Variants in STXBP4 observed in about 807,000 individuals in gnomAD.
STXBP4 encodes syntaxin-binding protein 4.
STXBP4 carries 55 observed loss-of-function variants against 76.1 expected under a neutral mutation model. The observed-to-expected ratio is 0.72, with a 90% CI of 0.58 to 0.91. The LOEUF (loss-of-function observed/expected upper bound fraction) is 0.91. STXBP4 is among the 40% of genes least tolerant of loss of function. The pLI, the probability that STXBP4 is intolerant of heterozygous loss-of-function variation, is 0.00. For synonymous variants in STXBP4, 201 were observed against 220.2 expected (o/e 0.91, Z 0.77); for missense variants, 618 against 636.9 (o/e 0.97, Z 0.32).
the STXBP4 span, among the ~76,000 whole-genome samples, chr17:55,202,558 G>T: frequency 6.6e-6 from 1 of 151,830 alleles, no homozygotes; most frequent in African/African-American, 2.4e-5. Context: ...TCTTGCTCAG[G>T]GCAACACAGG....
rs559419378 is a variant in STXBP4, at chr17:55,077,686, C to CATGT, written c.1189-392_1189-391insATGT. Among the ~76,000 whole-genome samples, 43 of 134,004 alleles carry CATGT rather than the reference C, an allele frequency of 3.2e-4. 1 individual carries two copies. The highest frequency in any genetic ancestry group is 1.0e-3 in the South Asian group (4 of 3,818). The allele number at this position is 134,004 out of a possible 152,430, so 87.9% of individuals were successfully genotyped here. On this transcript the variant is annotated intron_variant, in intron 13 of 17. Transcript: ENST00000376352. ...CTTCCTTGCTAGCTTTGTCTTACAT[C>CATGT]GTGTGTGTGTGTGTGTGTGTGTGTG...
At chr17:55,100,123 G>A (rs2079545797) in intron 16 of STXBP4, among the ~76,000 whole-genome samples, 1 of 152,170 alleles carries the variant, frequency 6.6e-6, no homozygotes. Context: ...ATTAGTGCCT[G>A]CCAACCTGTT....
intron 16 of STXBP4, among the ~76,000 whole-genome samples, chr17:55,090,256 G>A (rs1484937076): frequency 6.6e-6 from 1 of 151,870 alleles, no homozygotes; most frequent in East Asian, 1.9e-4. Flanking sequence ...GGACAACTGG[G>A]GCTTGATCCT....
intron 16 of STXBP4, among the ~76,000 whole-genome samples, chr17:55,091,766 G>C (rs1321206640): frequency 6.6e-6 from 1 of 152,032 alleles, no homozygotes; most frequent in Non-Finnish European, 1.5e-5. Context: ...TTCACGCACA[G>C]AATTGTGACC....
intron 16 of STXBP4, among the ~76,000 whole-genome samples, chr17:55,124,516 C>T (rs1290180714): frequency 1.3e-5 from 2 of 152,200 alleles, no homozygotes; most frequent in African/African-American, 4.8e-5. Context: ...TCAAGTGCTA[C>T]ATTTATCCTT....
At position 54,968,772 on chromosome 17, in the gene STXBP4, A is replaced by C. The variant is rs914159913; in HGVS notation, c.-200A>C. On this transcript the variant is annotated 5_prime_UTR_variant, in exon 1 of 18. Transcript: ENST00000376352. The stretch of plus-strand genomic sequence containing the variant: ...TTGGCTACCAGGCTCCTCAGGTGGC[A>C]GCGCTTGCAGTCGGGCTACGGAGGC... 91 of 1,148,266 alleles carry C rather than the reference A, an allele frequency of 7.9e-5. No individual in the cohort carries two copies. Among genetic ancestry groups the C allele is most frequent in the Non-Finnish European group, 1.0e-4 (85 of 815,420 alleles). The allele number at this position is 1,148,266 out of a possible 1,614,324, so 71.1% of individuals were successfully genotyped here.
chr17:55,026,834 C>A (rs992209936), intron 8 of STXBP4, among the ~76,000 whole-genome samples: 5 of 152,094 alleles, frequency 3.3e-5, no homozygotes, highest in African/African-American at 1.2e-4. Context: ...ACTCTCTTGT[C>A]GAGAACCAGG....
At chr17:55,096,221 T>C (rs2144993341) in intron 16 of STXBP4, among the ~76,000 whole-genome samples, 1 of 152,238 alleles carries the variant, frequency 6.6e-6, no homozygotes, top group South Asian at 2.1e-4. Context: ...AGTGGTGTGA[T>C]CACAGCTCAC....
chr17:55,154,684 A>G (rs1361437578), intron 17 of STXBP4, among the ~76,000 whole-genome samples: 1 of 152,108 alleles, frequency 6.6e-6, no homozygotes, highest in African/African-American at 2.4e-5. Flanking sequence ...ATAGCAATCC[A>G]GCCTGTGGAT....
intron 14 of STXBP4, 41 bp downstream of exon 14, chr17:55,078,235 T>C (rs2079211490): frequency 7.9e-7 from 1 of 1,258,582 alleles, no homozygotes; most frequent in East Asian, 2.3e-5. Flanking sequence ...TTAAAAAATA[T>C]ATAGGCAACT....
rs148003492 is a variant in STXBP4, at chr17:55,120,056, G to A, written c.1490-21254G>A. On this transcript the variant is annotated intron_variant, in intron 16 of 17. Coordinates refer to ENST00000376352, the MANE Select transcript of STXBP4 (RefSeq NM_178509.6). ...TAGCCACAGTTAAGGTTACTAAAGT[G>A]TACTTCTCAAGTAGAAAATATTATA... 3.0e-3 allele frequency among the ~76,000 whole-genome samples: 457 copies of A among 152,266 alleles called. 3 individuals are homozygous for A. The highest frequency in any genetic ancestry group is 6.0e-3 in the South Asian group (29 of 4,824).
chr17:55,139,637 G>A (rs943174092), intron 16 of STXBP4, among the ~76,000 whole-genome samples: 2 of 152,102 alleles, frequency 1.3e-5, no homozygotes, highest in African/African-American at 4.8e-5. Flanking sequence ...TTATCATGGC[G>A]CATCTGGCTG....
chr17:55,119,565 A>T (rs1340239927), intron 16 of STXBP4, among the ~76,000 whole-genome samples: 1 of 152,108 alleles, frequency 6.6e-6, no homozygotes. Context: ...TAGAAGAACA[A>T]TACAGAACAC....
chr17:55,015,929 T>A (rs902282791), intron 8 of STXBP4, among the ~76,000 whole-genome samples: 1 of 152,218 alleles, frequency 6.6e-6, no homozygotes, highest in African/African-American at 2.4e-5. Context: ...GTGTTATAAT[T>A]TATACTTCCC....
intron 8 of STXBP4, among the ~76,000 whole-genome samples, chr17:55,021,022 A>G (rs2078301583): frequency 6.6e-6 from 1 of 152,170 alleles, no homozygotes; most frequent in Non-Finnish European, 1.5e-5. Flanking sequence ...CTATAGTTAT[A>G]CACTCTGAGG....
intron 16 of STXBP4, among the ~76,000 whole-genome samples, chr17:55,093,308 T>C (rs2079442271): frequency 6.6e-6 from 1 of 152,188 alleles, no homozygotes; most frequent in East Asian, 1.9e-4. Context: ...GTTTCTTTAA[T>C]GAAAGTCAGC....
intron 12 of STXBP4, among the ~76,000 whole-genome samples, chr17:55,052,942 TGTGTGTGTGG>T (rs1378033832): frequency 2.1e-5 from 3 of 139,846 alleles, no homozygotes; most frequent in African/African-American, 8.0e-5. Context: ...TGTGTGTGTG[TGTGTGTGTGG>T]GTTGTATTCT....
chr17:55,044,015 A>T, intron 11 of STXBP4: 2 of 171,664 alleles, frequency 1.2e-5, no homozygotes. Flanking sequence ...TGCTCAACTA[A>T]TTTTTTTTTA....
intron 8 of STXBP4, among the ~76,000 whole-genome samples, chr17:55,017,784 C>G (rs9903297): frequency 0.034 from 5,185 of 152,220 alleles, 282 homozygotes; most frequent in African/African-American, 0.12. Flanking sequence ...GACGAATGCT[C>G]CCAACCCAGA....
Sources: gnomAD v4.1 joint callset for allele counts (sites outside exome capture counted in the v4.1 genomes callset) on GRCh38, gnomAD v4.1.1 for gene constraint, MANE v1.5 for transcripts, NCBI Gene and HGNC (gene_info 2026-07-23, HGNC 2026-07-21) for gene names.